SETBP1: variants seen among roughly 807,000 people sequenced by gnomAD.
SETBP1 encodes the protein SET binding protein 1.
Under a neutral mutation model 101.0 loss-of-function variants are expected in SETBP1, and 9 were observed. The observed-to-expected ratio is 0.09, with a 90% CI of 0.05 to 0.16. The LOEUF is 0.16. SETBP1 is among the 10% of genes least tolerant of loss of function. The pLI is 1.00. For missense variants in SETBP1, 1,858 were observed against 2,033.8 expected (o/e 0.91, Z 1.66); for synonymous variants, 818 against 788.5 (o/e 1.04, Z -0.63).
intron 2 of SETBP1, among the ~76,000 whole-genome samples, chr18:44,766,972 G>A (rs1019801398): frequency 4.6e-5 from 7 of 152,180 alleles, no homozygotes; most frequent in African/African-American, 1.7e-4. Flanking sequence ...ATCACTGGAG[G>A]GCAATCTGTA....
rs892237041 is a variant in SETBP1 at position 44,985,250 on chromosome 18, T to C, written c.4000+31910T>C. On this transcript the variant is annotated intron_variant, in intron 4 of 5. Coordinates refer to ENST00000649279, the MANE Select transcript of SETBP1 (RefSeq NM_015559.3). ...AGATGCTAAAATTGACAAGAAAGTC[T>C]TAAAAAAAAAAGTTTACTTGCTTAA... Among the ~76,000 whole-genome samples the C allele has an allele frequency of 2.0e-5, 3 of 152,140 alleles. No individual in the cohort carries two copies. The East Asian group carries it at 5.8e-4, about 29-fold the overall frequency.
intron 3 of SETBP1, among the ~76,000 whole-genome samples, chr18:44,935,876 C>T (rs1035170381): frequency 6.6e-6 from 1 of 152,210 alleles, no homozygotes; most frequent in Non-Finnish European, 1.5e-5. Flanking sequence ...CAGGTTTTTA[C>T]TGATAGGACA....
chr18:44,958,270 A>T (rs2071535389), intron 4 of SETBP1, among the ~76,000 whole-genome samples: 1 of 152,246 alleles, frequency 6.6e-6, no homozygotes, highest in African/African-American at 2.4e-5. Flanking sequence ...GAAGTTTGAA[A>T]ACAGGTACCA....
At position 44,885,857 on chromosome 18, in the gene SETBP1, C is replaced by CAAAAAAAAAAA. The variant is rs1555696149; in HGVS notation, c.540+16575_540+16585dup. 2.6e-5 allele frequency among the ~76,000 whole-genome samples: 2 copies of CAAAAAAAAAAA among 78,166 alleles called. 1 individual carries two copies. Among genetic ancestry groups the CAAAAAAAAAAA allele is most frequent in the Non-Finnish European group, 4.7e-5 (2 of 42,108 alleles). The allele number at this position is 78,166 out of a possible 152,430, so 51.3% of individuals were successfully genotyped here. A position where few individuals can be genotyped will look rare whatever the true frequency, so the allele number is the denominator to read the frequency against. On this transcript the variant is annotated intron_variant, in intron 3 of 5. Coordinates refer to ENST00000649279, the MANE Select transcript of SETBP1 (RefSeq NM_015559.3). Reference sequence around the variant, plus strand: ...CCCATTTCATTAAAAAAAAAAAAAACAAAAAAAAAAACAAGGTGACTTACC... The same window carrying CAAAAAAAAAAA: ...CCCATTTCATTAAAAAAAAAAAAAACAAAAAAAAAAAAAAAAAAAAAACAAGGTGACTTACC...
At chr18:44,743,977 A>G (rs17710554) in intron 2 of SETBP1, among the ~76,000 whole-genome samples, 3,398 of 152,320 alleles carry the variant, frequency 0.022, 63 homozygotes, top group South Asian at 0.052. Flanking sequence ...AGGCTACATT[A>G]GCTGGAGTTT....
chr18:44,930,749 G>A (rs1446146805), intron 3 of SETBP1, among the ~76,000 whole-genome samples: 3 of 152,062 alleles, frequency 2.0e-5, no homozygotes, highest in African/African-American at 7.2e-5. Context: ...ATTCTCTGAT[G>A]GTAGTTTGTA....
chr18:44,833,702 C>T (rs1424125577), intron 2 of SETBP1, among the ~76,000 whole-genome samples: 6 of 152,208 alleles, frequency 3.9e-5, no homozygotes, highest in Non-Finnish European at 7.3e-5. Flanking sequence ...CCAGAGAATA[C>T]GGTCTGCAAA....
chr18:45,031,626 C>T (rs1189797659), intron 4 of SETBP1, among the ~76,000 whole-genome samples: 3 of 152,126 alleles, frequency 2.0e-5, no homozygotes, highest in Non-Finnish European at 2.9e-5. Context: ...AGTGCAGTTT[C>T]CTAAAAGGTT....
chr18:44,781,998 G>A (rs907903236), intron 2 of SETBP1, among the ~76,000 whole-genome samples: 3 of 152,192 alleles, frequency 2.0e-5, no homozygotes, highest in Non-Finnish European at 4.4e-5. Flanking sequence ...TTTGCTAGAA[G>A]GATGTCAGAA....
chr18:45,003,059 G>A (rs1382222357), intron 4 of SETBP1, among the ~76,000 whole-genome samples: 1 of 152,172 alleles, frequency 6.6e-6, no homozygotes. Flanking sequence ...TTCTCAAAAG[G>A]ATACATCACA....
intron 3 of SETBP1, among the ~76,000 whole-genome samples, chr18:44,944,807 T>C (rs764319293): frequency 3.3e-4 from 50 of 152,184 alleles, no homozygotes; most frequent in Non-Finnish European, 6.3e-4. Flanking sequence ...GATTTTTTCT[T>C]AGATTCAAAT....
At chr18:44,917,185 C>T (rs538933591) in intron 3 of SETBP1, among the ~76,000 whole-genome samples, 19 of 152,328 alleles carry the variant, frequency 1.2e-4, no homozygotes, top group African/African-American at 4.1e-4. Context: ...ATAGGAATAG[C>T]GTGCACCAGG....
intron 4 of SETBP1, among the ~76,000 whole-genome samples, chr18:45,009,345 A>C (rs2072791614): frequency 6.7e-6 from 1 of 149,294 alleles, no homozygotes; most frequent in Non-Finnish European, 1.5e-5. Context: ...CCTGTGGCCC[A>C]AAGCATGGAG....
At chr18:45,059,113 G>A (rs566775896) in intron 5 of SETBP1, among the ~76,000 whole-genome samples, 8 of 152,240 alleles carry the variant, frequency 5.3e-5, no homozygotes, top group African/African-American at 1.9e-4. Flanking sequence ...TACCAAAGTA[G>A]ACAGAATAGC....
At chr18:44,850,354 G>A (rs1000160293) in intron 2 of SETBP1, among the ~76,000 whole-genome samples, 1 of 149,884 alleles carries the variant, frequency 6.7e-6, no homozygotes, top group African/African-American at 2.4e-5. Flanking sequence ...CGGCCCAGAT[G>A]GCTTCTTTTC....
At chr18:44,896,887 C>T (rs1307731994) in intron 3 of SETBP1, among the ~76,000 whole-genome samples, 1 of 152,168 alleles carries the variant, frequency 6.6e-6, no homozygotes, top group Non-Finnish European at 1.5e-5. Context: ...CCTTCTTACT[C>T]TGTACTCTTT....
chr18:44,955,083 T>C (rs900492861), intron 4 of SETBP1, among the ~76,000 whole-genome samples: 1 of 152,232 alleles, frequency 6.6e-6, no homozygotes, highest in African/African-American at 2.4e-5. Context: ...AACCAGACGT[T>C]GTTGCATGTT....
chr18:44,711,835 A>T (rs1243585711), intron 2 of SETBP1, among the ~76,000 whole-genome samples: 1 of 151,388 alleles, frequency 6.6e-6, no homozygotes, highest in Non-Finnish European at 1.5e-5. Flanking sequence ...GCCTGGGCTG[A>T]CTACACAACC....
At chr18:44,945,627 C>G (rs1378762203) in intron 3 of SETBP1, among the ~76,000 whole-genome samples, 1 of 152,106 alleles carries the variant, frequency 6.6e-6, no homozygotes, top group Non-Finnish European at 1.5e-5. Context: ...AGTTTGGTAT[C>G]GAAAGTTTTC....
Sources: allele counts gnomAD v4.1 joint callset (sites outside exome capture counted in the v4.1 genomes callset), GRCh38; gene constraint gnomAD v4.1.1; transcripts MANE v1.5; gene names NCBI Gene and HGNC (gene_info 2026-07-23, HGNC 2026-07-21).